The following TENM4 variants were observed in gnomAD, a reference collection of about 807,000 sequenced individuals.
TENM4 encodes teneurin transmembrane protein 4, also known as teneurin-4.
Under a neutral mutation model 243.3 loss-of-function variants are expected in TENM4, and 82 were observed. The ratio of observed to expected loss-of-function variants is 0.34; its 90% CI spans 0.28 to 0.40. The LOEUF (loss-of-function observed/expected upper bound fraction) is 0.40. Among genes scored for constraint, TENM4 ranks in the 10% least tolerant of loss-of-function variants. The probability of loss-of-function intolerance (pLI) is 1.00; values close to 1 mark genes in which losing one functional copy is unlikely to be tolerated. For missense variants in TENM4, 3,138 were observed against 3,673.3 expected, an observed-to-expected ratio of 0.85 and a Z score of 3.77; for synonymous variants, 1,412 against 1,456.3, an observed-to-expected ratio of 0.97 and a Z score of 0.69.
chr11:78,688,350 C>T, intron 28 of TENM4, 124 bp from the exon 29 acceptor site: 2 of 1,033,840 alleles, frequency 1.9e-6, no homozygotes, highest in South Asian at 1.6e-5. Flanking sequence ...GGATACATTC[C>T]CATGTCTCCC....
At position 79,066,054 on chromosome 11, in the gene TENM4, C is replaced by T. The variant is rs1224685344; in HGVS notation, c.224-1047G>A. On this transcript the variant is annotated intron_variant, in intron 5 of 33. Transcript: ENST00000278550. ...GGCAGAACCCACATTTAAACCAATT[C>T]ATGCCGGCCCTGGGCCTGTACTGAG... 1.3e-5 allele frequency among the ~76,000 whole-genome samples: 2 copies of T among 152,194 alleles called. 1 individual carries two copies. Among genetic ancestry groups the T allele is most frequent in the Non-Finnish European group, 2.9e-5 (2 of 68,046 alleles).
intron 24 of TENM4, among the ~76,000 whole-genome samples, chr11:78,721,322 G>A (rs1859646209): frequency 6.6e-6 from 1 of 152,234 alleles, no homozygotes. Context: ...CCTACCGCGT[G>A]TGTGCTTGTC....
chr11:79,071,863 A>G (rs1393790610), intron 4 of TENM4, among the ~76,000 whole-genome samples: 2 of 152,186 alleles, frequency 1.3e-5, no homozygotes, highest in African/African-American at 4.8e-5. Context: ...AGCTGGCACT[A>G]ACTACATAGA....
At chr11:79,150,728 G>T (rs898013060) in intron 3 of TENM4, among the ~76,000 whole-genome samples, 1 of 152,088 alleles carries the variant, frequency 6.6e-6, no homozygotes, top group African/African-American at 2.4e-5. Flanking sequence ...GTTTCTCCTG[G>T]TTCTTCTTTC....
At chr11:78,860,923 A>C (rs910170890) in intron 10 of TENM4, among the ~76,000 whole-genome samples, 2 of 152,246 alleles carry the variant, frequency 1.3e-5, no homozygotes, top group Non-Finnish European at 2.9e-5. Flanking sequence ...CCTTACAAAA[A>C]CAAAACAAAA....
chr11:79,018,776 A>G (rs941398340), intron 6 of TENM4, among the ~76,000 whole-genome samples: 1 of 152,236 alleles, frequency 6.6e-6, no homozygotes, highest in African/African-American at 2.4e-5. Flanking sequence ...GCTGATCTAC[A>G]TGTTATTCAC....
At chr11:79,284,903 C>A (rs1176359737) in intron 2 of TENM4, among the ~76,000 whole-genome samples, 3 of 152,076 alleles carry the variant, frequency 2.0e-5, no homozygotes, top group African/African-American at 7.2e-5. Flanking sequence ...AAATATTTCT[C>A]CAAAGAAGAC....
intron 25 of TENM4, among the ~76,000 whole-genome samples, chr11:78,713,793 C>G (rs1859457270): frequency 6.6e-6 from 1 of 152,130 alleles, no homozygotes; most frequent in South Asian, 2.1e-4. Flanking sequence ...TAGTAGATAT[C>G]TCTTATTAAG....
In TENM4 at chr11:79,125,046, T is replaced by C. The variant is rs183339315; in HGVS notation, c.-66+23664A>G. On this transcript the variant is annotated intron_variant, in intron 4 of 33. Coordinates refer to ENST00000278550, the MANE Select transcript of TENM4 (RefSeq NM_001098816.3). ...GGAGTATTTTGGTGGTTTCAGGGTT[T>C]CTGGAATTGGTTGCTTAATATGATT... is the stretch of plus-strand genomic sequence containing the variant. Among the ~76,000 whole-genome samples the C allele has an allele frequency of 2.4e-3, 366 of 151,544 alleles. 2 individuals carry two copies. Among genetic ancestry groups the C allele is most frequent in the African/African-American group, 8.5e-3 (350 of 41,320 alleles).
intron 12 of TENM4, among the ~76,000 whole-genome samples, chr11:78,834,248 T>C (rs747385819): frequency 6.6e-6 from 1 of 152,232 alleles, no homozygotes; most frequent in Non-Finnish European, 1.5e-5. Context: ...TTTGTGTATA[T>C]GTTCTTGTTT....
chr11:78,853,569 A>G (rs182949857), intron 12 of TENM4, among the ~76,000 whole-genome samples: 56 of 152,314 alleles, frequency 3.7e-4, no homozygotes, highest in Middle Eastern at 6.8e-3. Context: ...GGACATCTCT[A>G]TTCTCAACAA....
intron 18 of TENM4, among the ~76,000 whole-genome samples, chr11:78,762,853 A>G (rs1856459040): frequency 6.6e-6 from 1 of 152,176 alleles, no homozygotes; most frequent in South Asian, 2.1e-4. Flanking sequence ...TTAGGCATAG[A>G]TGACAAATTT....
At chr11:78,978,887 T>C (rs1354632027) in intron 6 of TENM4, among the ~76,000 whole-genome samples, 6 of 152,068 alleles carry the variant, frequency 3.9e-5, no homozygotes, top group Non-Finnish European at 7.4e-5. Flanking sequence ...TGGAGGGCAC[T>C]GAGTGAAGTT....
intron 2 of TENM4, among the ~76,000 whole-genome samples, chr11:79,287,996 C>G (rs1413496890): frequency 6.6e-6 from 1 of 152,182 alleles, no homozygotes; most frequent in African/African-American, 2.4e-5. Context: ...CCCCAACAGC[C>G]TAATTGATCT....
At position 78,701,937 on chromosome 11, in the gene TENM4, C is replaced by T. The variant is rs775610240; in HGVS notation, c.4676G>A (p.Arg1559Gln). 5 of 1,613,860 alleles carry T rather than the reference C, an allele frequency of 3.1e-6. No individual in the cohort carries two copies. The highest frequency in any genetic ancestry group is 2.2e-5 in the East Asian group (1 of 44,894). ...CTTGTTCTTCCGGATAAACCGAATT[C>T]GGATGTTCCCAAGGTCGGCCACGTA... ...ELYVADLGNI[R>Q]IRFIRKNKPF... The change falls in exon 28 of 34, where the codon CGA (arginine) becomes CAA (glutamine). Residue 1559 changes from arginine to glutamine, a missense_variant. Coordinates refer to ENST00000278550, the MANE Select transcript of TENM4 (RefSeq NM_001098816.3).
intron 6 of TENM4, among the ~76,000 whole-genome samples, chr11:78,911,041 T>G (rs1209748127): frequency 1.3e-5 from 2 of 152,362 alleles, no homozygotes; most frequent in East Asian, 1.9e-4. Flanking sequence ...AGGACAGAAC[T>G]TTCGGTGAAC....
intron 6 of TENM4, among the ~76,000 whole-genome samples, chr11:79,036,894 C>A (rs1331921056): frequency 6.6e-6 from 1 of 151,778 alleles, no homozygotes; most frequent in Non-Finnish European, 1.5e-5. Flanking sequence ...ACCTGTATTC[C>A]CAGCTACTCA....
intron 6 of TENM4, among the ~76,000 whole-genome samples, chr11:79,022,090 C>G (rs760415587): frequency 6.6e-6 from 1 of 152,144 alleles, no homozygotes; most frequent in African/African-American, 2.4e-5. Context: ...CTAACATAAG[C>G]GTTAGGGAGG....
chr11:78,996,975 C>T (rs1858190194), intron 6 of TENM4, among the ~76,000 whole-genome samples: 1 of 152,132 alleles, frequency 6.6e-6, no homozygotes, highest in South Asian at 2.1e-4. Flanking sequence ...ACATGGGAGG[C>T]CTCTGGAGGC....
Sources: gnomAD v4.1 joint callset for allele counts (sites outside exome capture counted in the v4.1 genomes callset) on GRCh38, gnomAD v4.1.1 for gene constraint, MANE v1.5 for transcripts, NCBI Gene and HGNC (gene_info 2026-07-23, HGNC 2026-07-21) for gene names.